Variants in SLC2A13 observed in about 807,000 individuals in gnomAD.
SLC2A13 encodes proton myo-inositol cotransporter.
Under a neutral mutation model 64.4 loss-of-function variants are expected in SLC2A13, and 32 were observed. That is an observed-to-expected ratio of 0.50 (90% CI 0.37 to 0.67). The LOEUF is 0.67. SLC2A13 is among the 30% of genes least tolerant of loss of function. The pLI is 0.00. For synonymous variants in SLC2A13, 338 were observed against 327.1 expected (o/e 1.03, Z -0.36); for missense variants, 743 against 829.2 (o/e 0.90, Z 1.28).
intron 4 of SLC2A13, among the ~76,000 whole-genome samples, chr12:39,902,919 T>C (rs942242546): frequency 2.6e-5 from 4 of 152,130 alleles, no homozygotes; most frequent in African/African-American, 9.7e-5. Context: ...TTGCATCTTA[T>C]TCCCTGTTGA....
intron 3 of SLC2A13, among the ~76,000 whole-genome samples, chr12:39,984,156 A>C (rs1946981019): frequency 6.7e-6 from 1 of 150,196 alleles, no homozygotes; most frequent in Non-Finnish European, 1.5e-5. Context: ...AGGAAGGGGA[A>C]TATCACAATC....
chr12:39,855,718 T>G (rs1943590882), intron 6 of SLC2A13, among the ~76,000 whole-genome samples: 1 of 152,362 alleles, frequency 6.6e-6, no homozygotes, highest in African/African-American at 2.4e-5. Flanking sequence ...CTAAGCTGTA[T>G]AGAACTTACA....
chr12:39,813,714 A>G (rs1408005225), intron 7 of SLC2A13, among the ~76,000 whole-genome samples: 1 of 152,176 alleles, frequency 6.6e-6, no homozygotes, highest in Non-Finnish European at 1.5e-5. Context: ...TGGGGGATGA[A>G]GAAGCTTCAG....
intron 6 of SLC2A13, among the ~76,000 whole-genome samples, chr12:39,850,478 AC>A: frequency 6.6e-6 from 1 of 152,258 alleles, no homozygotes; most frequent in Middle Eastern, 3.4e-3. Flanking sequence ...AATAATACTA[AC>A]TTAGGATGCT....
At chr12:40,046,738 C>A (rs1948177338) in intron 2 of SLC2A13, among the ~76,000 whole-genome samples, 1 of 151,452 alleles carries the variant, frequency 6.6e-6, no homozygotes, top group African/African-American at 2.4e-5. Context: ...ATGGTCCTTA[C>A]AAATGTAGGC....
chr12:39,813,055 C>T lies in SLC2A13; in HGVS notation c.1445+17048G>A, dbSNP rs1477039408. Reference sequence around the variant, plus strand: ...AGATGGGGTTTCACCATGTTGGCCACGCTGGTCTCAAACTCCTGGCCTCAA... The same window carrying T: ...AGATGGGGTTTCACCATGTTGGCCATGCTGGTCTCAAACTCCTGGCCTCAA... On this transcript the variant is annotated intron_variant, in intron 7 of 9. Transcript: ENST00000280871. Among the ~76,000 whole-genome samples, 10 of 101,688 alleles carry T rather than the reference C, an allele frequency of 9.8e-5. No homozygotes were observed. In the East Asian group the frequency reaches 1.4e-3, roughly 14 times the overall value. The allele number at this position is 101,688 out of a possible 152,430, so 66.7% of individuals were successfully genotyped here.
intron 7 of SLC2A13, among the ~76,000 whole-genome samples, chr12:39,789,153 G>GA (rs1941289011): frequency 6.6e-6 from 1 of 152,016 alleles, no homozygotes; most frequent in Admixed American, 6.6e-5. Context: ...ACCACTTTCT[G>GA]ATAGGATCCC....
At chr12:40,027,771 G>A (rs897703539) in intron 3 of SLC2A13, among the ~76,000 whole-genome samples, 11 of 152,110 alleles carry the variant, frequency 7.2e-5, no homozygotes, top group Non-Finnish European at 1.0e-4. Context: ...CCTTTTCCTC[G>A]TTTACATCCT....
intron 3 of SLC2A13, among the ~76,000 whole-genome samples, chr12:39,952,831 A>C (rs1406588974): frequency 6.6e-6 from 1 of 152,166 alleles, no homozygotes; most frequent in Non-Finnish European, 1.5e-5. Flanking sequence ...TTTGATTGTA[A>C]CAATGCTGAA....
chr12:39,940,056 C>T (rs977582123), intron 4 of SLC2A13, among the ~76,000 whole-genome samples: 1 of 152,106 alleles, frequency 6.6e-6, no homozygotes, highest in African/African-American at 2.4e-5. Flanking sequence ...AAAGAGTGAG[C>T]CATAAATCCT....
intron 7 of SLC2A13, among the ~76,000 whole-genome samples, chr12:39,790,022 TA>T (rs1255364293): frequency 6.6e-6 from 1 of 152,028 alleles, no homozygotes; most frequent in Admixed American, 6.6e-5. Flanking sequence ...CAGGTGAAGT[TA>T]ATTTTAGTAA....
At chr12:39,957,962 G>T (rs4491317) in intron 3 of SLC2A13, among the ~76,000 whole-genome samples, 25 of 152,130 alleles carry the variant, frequency 1.6e-4, no homozygotes, top group Non-Finnish European at 2.6e-4. Flanking sequence ...CTCTAACAGA[G>T]GTACATATAC....
At chr12:39,800,981 T>C (rs1476199130) in intron 7 of SLC2A13, among the ~76,000 whole-genome samples, 16 of 11,546 alleles carry the variant, frequency 1.4e-3, no homozygotes, top group African/African-American at 4.0e-3. Flanking sequence ...TCATTCTCAG[T>C]AAACTATCGC....
At chr12:39,904,431 C>T (rs1945214108) in intron 4 of SLC2A13, among the ~76,000 whole-genome samples, 2 of 152,236 alleles carry the variant, frequency 1.3e-5, no homozygotes, top group Middle Eastern at 6.8e-3. Context: ...ACCTTGTGAG[C>T]AGGTCTTTCT....
chr12:40,002,478 G>A (rs1947336169), intron 3 of SLC2A13, among the ~76,000 whole-genome samples: 1 of 152,068 alleles, frequency 6.6e-6, no homozygotes, highest in Non-Finnish European at 1.5e-5. Flanking sequence ...GGCTCAGAAA[G>A]CAACAAAATA....
rs71449493 is a variant in SLC2A13 at position 39,812,996 on chromosome 12, A to ATTTTTTTTT, written c.1445+17098_1445+17106dup. ...AGGCGCCTGACATCATGCCCAGCTA[A>ATTTTTTTTT]TTTTTTTTTTTTTTTTTTTTTTTTT... On this transcript the variant is annotated intron_variant, in intron 7 of 9. Coordinates refer to ENST00000280871, the MANE Select transcript of SLC2A13 (RefSeq NM_052885.4). Among the ~76,000 whole-genome samples the ATTTTTTTTT allele has an allele frequency of 4.2e-3, 169 of 40,612 alleles. 64 individuals are homozygous for ATTTTTTTTT. The highest frequency in any genetic ancestry group is 6.8e-3 in the African/African-American group (73 of 10,812). 26.6% of individuals were successfully genotyped at this position (40,612 alleles called of 152,430 possible). A position where few individuals can be genotyped will look rare whatever the true frequency, so the allele number is the denominator to read the frequency against.
intron 3 of SLC2A13, among the ~76,000 whole-genome samples, chr12:39,967,408 C>A (rs2136123432): frequency 6.6e-6 from 1 of 152,220 alleles, no homozygotes; most frequent in East Asian, 1.9e-4. Flanking sequence ...TAGCTGAGTG[C>A]CTCTCAGGGA....
intron 3 of SLC2A13, among the ~76,000 whole-genome samples, chr12:39,998,171 A>G (rs866200083): frequency 6.6e-6 from 1 of 152,230 alleles, no homozygotes; most frequent in Non-Finnish European, 1.5e-5. Context: ...ATGTATATAT[A>G]TATGTATACA....
At chr12:39,799,792 C>G (rs1941719266) in intron 7 of SLC2A13, among the ~76,000 whole-genome samples, 1 of 152,122 alleles carries the variant, frequency 6.6e-6, no homozygotes, top group African/African-American at 2.4e-5. Context: ...ATTCACATTA[C>G]TAAAGCCTGG....
Sources: allele counts gnomAD v4.1 joint callset (sites outside exome capture counted in the v4.1 genomes callset), GRCh38; gene constraint gnomAD v4.1.1; transcripts MANE v1.5; gene names NCBI Gene and HGNC (gene_info 2026-07-23, HGNC 2026-07-21).